MRPL37: variants seen among roughly 807,000 people sequenced by gnomAD.
MRPL37 encodes the protein mitochondrial ribosomal protein L37.
MRPL37 carries 34 observed loss-of-function variants against 44.1 expected under a neutral mutation model. The ratio of observed to expected loss-of-function variants is 0.77; its 90% confidence interval spans 0.59 to 1.03. The LOEUF (loss-of-function observed/expected upper bound fraction) is 1.03. Ranked by LOEUF, MRPL37 falls within the 50% of genes least tolerant of loss-of-function variation. MRPL37 has a pLI of 0.00. For synonymous variants in MRPL37, 212 were observed against 219.5 expected (o/e 0.97, Z 0.30); for missense variants, 532 against 543.7 (o/e 0.98, Z 0.21).
Position 54,205,276 on chromosome 1 carries a change from G to A in MRPL37, c.531-19G>A, listed in dbSNP as rs1401318177. ...GACCTGTTGCTTTAAGTCCCCAAAT[G>A]TCTCTTTTTGTCTTCAAGCCCGGTC... On this transcript the variant is annotated intron_variant, in intron 2 of 6. Transcript: ENST00000360840. The A allele has an allele frequency of 6.2e-7, 1 of 1,609,798 alleles. No individual in the cohort carries two copies. The highest frequency in any genetic ancestry group is 1.7e-5 in the Admixed American group (1 of 59,802).
chr1:54,205,528 G>A lies in MRPL37; in HGVS notation c.646+118G>A, dbSNP rs988983713. On this transcript the variant is annotated intron_variant, in intron 3 of 6. Coordinates refer to ENST00000360840, the MANE Select transcript of MRPL37 (RefSeq NM_016491.4). ...ATACCGATCCTTACTCCCATCATTCGTGGTCTCGTTTTGTAGGCTCAGACA... is the reference window on the plus strand; with the variant it reads ...ATACCGATCCTTACTCCCATCATTCATGGTCTCGTTTTGTAGGCTCAGACA... 7.4e-6 allele frequency: 6 copies of A among 815,478 alleles called. No homozygotes were observed. In the Admixed American group the frequency reaches 8.1e-5, roughly 11 times the overall value. 50.5% of individuals were successfully genotyped at this position (815,478 alleles called of 1,614,324 possible). A position where few individuals can be genotyped will look rare whatever the true frequency, so the allele number is the denominator to read the frequency against.
At chr1:54,212,304 T>C (rs1159792942) in intron 4 of MRPL37, among the ~76,000 whole-genome samples, 197 bp from the exon 5 acceptor site, 1 of 152,208 alleles carries the variant, frequency 6.6e-6, no homozygotes, top group Non-Finnish European at 1.5e-5. Flanking sequence ...GAAAATGTTA[T>C]TTACAAAAAT....
At chr1:54,223,238 C>T (rs186114296), downstream of MRPL37, among the ~76,000 whole-genome samples, 563 of 152,310 alleles carry the variant, frequency 3.7e-3, 3 homozygotes, top group African/African-American at 0.013. Context: ...AACGCTCATC[C>T]GCCTGTAACC....
At chr1:54,220,770 C>T (rs1361688025), downstream of MRPL37, 4 of 471,330 alleles carry the variant, frequency 8.5e-6, no homozygotes, top group African/African-American at 8.0e-5. Flanking sequence ...GGAGCAGGAG[C>T]ACGCTGCAGG....
chr1:54,212,429 G>C, intron 4 of MRPL37, 72 bp from the exon 5 acceptor site: 1 of 1,561,038 alleles, frequency 6.4e-7, no homozygotes, highest in Non-Finnish European at 8.8e-7. Context: ...CTAAGGCGAG[G>C]TGACTTTCCT....
At chr1:54,201,017 A>G (rs894275888) in intron 1 of MRPL37, among the ~76,000 whole-genome samples, 1 of 152,176 alleles carries the variant, frequency 6.6e-6, no homozygotes, top group African/African-American at 2.4e-5. Flanking sequence ...AGGATGTTTA[A>G]TCTCCAGGCC....
downstream of MRPL37, among the ~76,000 whole-genome samples, chr1:54,222,897 AC>A (rs1644245585): frequency 6.6e-6 from 1 of 152,106 alleles, no homozygotes; most frequent in Non-Finnish European, 1.5e-5. Flanking sequence ...TCACTACTGT[AC>A]CCCTAGTGCC....
chr1:54,222,575 A>G (rs959882190), downstream of MRPL37, among the ~76,000 whole-genome samples: 30 of 152,084 alleles, frequency 2.0e-4, no homozygotes, highest in African/African-American at 6.0e-4. Flanking sequence ...CGTGGTCACC[A>G]GGGCATCTCA....
chr1:54,221,653 C>G (rs957793195), downstream of MRPL37, among the ~76,000 whole-genome samples: 13 of 152,156 alleles, frequency 8.5e-5, no homozygotes, highest in Admixed American at 5.2e-4. Context: ...CATCACACTC[C>G]CACACATGCA....
Position 54,205,138 on chromosome 1 carries a change from A to G in MRPL37, c.467A>G (p.Asn156Ser). 2 of 1,614,152 alleles carry G rather than the reference A, an allele frequency of 1.2e-6. No individual in the cohort carries two copies. The highest frequency in any genetic ancestry group is 2.2e-5 in the South Asian group (2 of 91,068). ...GAGAACCAAGACGAGTGCGTTCTGA[A>G]TGTGATCTCTCACGCCCGTCTCTGG... is the stretch of plus-strand genomic sequence containing the variant. ...HIENQDECVL[N>S]VISHARLWQT... Residue 156 changes from asparagine (N) to serine (S), a missense_variant, in exon 2 of 7, where the codon AAT (asparagine) becomes AGT (serine). Asn to Ser is a conservative substitution (Grantham distance 46). Transcript: ENST00000360840.
chr1:54,224,443 C>G (rs535420112), downstream of MRPL37, among the ~76,000 whole-genome samples: 1 of 152,304 alleles, frequency 6.6e-6, no homozygotes, highest in African/African-American at 2.4e-5. Flanking sequence ...CGGTGCTAAC[C>G]TCCTCACAGC....
Position 54,218,378 on chromosome 1 carries a change from A to C in MRPL37, c.*129A>C. The C allele has an allele frequency of 6.5e-7, 1 of 1,543,402 alleles. No homozygotes were observed. The highest frequency in any genetic ancestry group is 8.7e-7 in the Non-Finnish European group (1 of 1,151,890). On this transcript the variant is annotated 3_prime_UTR_variant, in exon 7 of 7. Coordinates refer to ENST00000360840, the MANE Select transcript of MRPL37 (RefSeq NM_016491.4). ...TGACAATAAAGAGCCCTTGCGTTGC[A>C]CTGAAGCCTGTGTTTGGTATGAGGG...
chr1:54,222,936 C>T (rs1644245674), downstream of MRPL37, among the ~76,000 whole-genome samples: 1 of 152,170 alleles, frequency 6.6e-6, no homozygotes, highest in African/African-American at 2.4e-5. Flanking sequence ...AAAAGGGGTG[C>T]TCAGCAAACA....
chr1:54,200,658 C>T, intron 1 of MRPL37, 69 bp downstream of exon 1: 1 of 1,483,174 alleles, frequency 6.7e-7, no homozygotes, highest in South Asian at 1.3e-5. Context: ...CCCTCTGTGG[C>T]TTTGGGCAAG....
At chr1:54,216,905 T>C (rs645672) in intron 6 of MRPL37, among the ~76,000 whole-genome samples, 5 of 105,638 alleles carry the variant, frequency 4.7e-5, no homozygotes, top group African/African-American at 1.5e-4. Flanking sequence ...CCTAGATCCT[T>C]GAGGGCAGGG....
At chr1:54,203,042 G>T (rs1193938635) in intron 1 of MRPL37, among the ~76,000 whole-genome samples, 1 of 152,190 alleles carries the variant, frequency 6.6e-6, no homozygotes, top group Non-Finnish European at 1.5e-5. Flanking sequence ...AGTGAAGCTA[G>T]GGAGGTCTTT....
chr1:54,208,504 G>A (rs971789926), intron 3 of MRPL37, among the ~76,000 whole-genome samples: 4 of 135,906 alleles, frequency 2.9e-5, no homozygotes, highest in African/African-American at 1.1e-4. Context: ...AGCTGAGATT[G>A]CGCCACTGCA....
intron 6 of MRPL37, among the ~76,000 whole-genome samples, chr1:54,217,296 G>T (rs1465354144): frequency 6.6e-6 from 1 of 152,198 alleles, no homozygotes; most frequent in Non-Finnish European, 1.5e-5. Flanking sequence ...TGTGCCCTTT[G>T]CTTTGGCCCC....
intron 1 of MRPL37, among the ~76,000 whole-genome samples, chr1:54,201,111 A>G (rs192441154): frequency 4.0e-4 from 61 of 152,342 alleles, no homozygotes; most frequent in Non-Finnish European, 6.6e-4. Context: ...CAGCCTGTCT[A>G]TCTAGAACAG....
Sources: allele counts gnomAD v4.1 joint callset (sites outside exome capture counted in the v4.1 genomes callset), GRCh38; gene constraint gnomAD v4.1.1; transcripts MANE v1.5; gene names NCBI Gene and HGNC (gene_info 2026-07-23, HGNC 2026-07-21).